SNTG2: variants seen among roughly 807,000 people sequenced by gnomAD.
SNTG2 encodes the protein gamma-2-syntrophin.
In SNTG2, 74 loss-of-function variants were observed where a neutral mutation model predicts 70.9. The ratio of observed to expected loss-of-function variants is 1.04; its 90% CI spans 0.86 to 1.27. SNTG2 has a LOEUF of 1.27. SNTG2 is among the 50% of genes most tolerant of loss of function. The probability of loss-of-function intolerance (pLI) is 0.00; values close to 1 mark genes in which losing one functional copy is unlikely to be tolerated. For missense variants in SNTG2, 717 were observed against 690.7 expected, an observed-to-expected ratio of 1.04 and a Z score of -0.43; for synonymous variants, 278 against 273.8, an observed-to-expected ratio of 1.02 and a Z score of -0.15.
intron 1 of SNTG2, among the ~76,000 whole-genome samples, chr2:1,057,004 A>G (rs1662501265): frequency 7.0e-6 from 1 of 143,262 alleles, no homozygotes; most frequent in Admixed American, 6.9e-5. Flanking sequence ...GAGGGAGGAG[A>G]GGGCGGCGCA....
At chr2:1,250,799 C>T (rs1407816760) in intron 12 of SNTG2, among the ~76,000 whole-genome samples, 2 of 152,182 alleles carry the variant, frequency 1.3e-5, no homozygotes, top group African/African-American at 4.8e-5. Flanking sequence ...CCTTTACTTG[C>T]TTTCCAGTCC....
chr2:1,237,982 G>A lies in SNTG2; in HGVS notation c.814G>A (p.Val272Ile), dbSNP rs1380114689. ...GGATGGCACCGACTGGCTGCGGGCG[G>A]TCTCAGCCAACATCAGGGAGCTGAC... ...AQDGTDWLRA[V>I]SANIRELTLQ... is the part of the protein sequence containing the mutation. The change falls in exon 10 of 17, where the codon GTC becomes ATC. Residue 272 changes from valine (V) to isoleucine (I), a missense_variant. By Grantham distance (29) the Val-to-Ile change is conservative (BLOSUM62 3). Transcript: ENST00000308624. 1 of 1,610,176 alleles carries A rather than the reference G, an allele frequency of 6.2e-7. No individual in the cohort carries two copies. The highest frequency in any genetic ancestry group is 1.1e-5 in the South Asian group (1 of 89,738).
At chr2:1,347,017 A>T (rs1660324936) in intron 16 of SNTG2, among the ~76,000 whole-genome samples, 1 of 152,080 alleles carries the variant, frequency 6.6e-6, no homozygotes, top group Non-Finnish European at 1.5e-5. Context: ...TAAAAAAAAA[A>T]TCTGTTCAAG....
chr2:1,081,239 G>T lies in SNTG2; in HGVS notation c.73-2279G>T, dbSNP rs576068403. 3.3e-5 allele frequency among the ~76,000 whole-genome samples: 5 copies of T among 152,300 alleles called. No homozygotes were observed. In the South Asian group the frequency reaches 1.0e-3, roughly 32 times the overall value. On this transcript the variant is annotated intron_variant, in intron 1 of 16. Transcript: ENST00000308624. ...CTCCCTCTGTGTGCAGCGGAGTGGGGGATGCCCACTTGTCATCAGGCGCCC... is the reference window on the plus strand; with the variant it reads ...CTCCCTCTGTGTGCAGCGGAGTGGGTGATGCCCACTTGTCATCAGGCGCCC...
rs956146171 is a variant in SNTG2, at chr2:1,281,840, C to A, written c.1284+14269C>A. ...GGAAGCGGACACTGGCCCCACCCAGCACAAGCACCCCACACATCTGTGGAG... is the reference window on the plus strand; with the variant it reads ...GGAAGCGGACACTGGCCCCACCCAGAACAAGCACCCCACACATCTGTGGAG... On this transcript the variant is annotated intron_variant, in intron 14 of 16. Coordinates refer to ENST00000308624, the MANE Select transcript of SNTG2 (RefSeq NM_018968.4). 2.0e-5 allele frequency among the ~76,000 whole-genome samples: 3 copies of A among 152,144 alleles called. No homozygotes were observed. The South Asian group carries it at 6.2e-4, about 31-fold the overall frequency.
chr2:1,325,209 T>C (rs1681710731), intron 16 of SNTG2, among the ~76,000 whole-genome samples: 1 of 152,216 alleles, frequency 6.6e-6, no homozygotes, highest in Non-Finnish European at 1.5e-5. Context: ...TAGACTTTTA[T>C]TGAACTTATG....
At chr2:1,126,287 T>C (rs890422790) in intron 4 of SNTG2, among the ~76,000 whole-genome samples, 1 of 152,168 alleles carries the variant, frequency 6.6e-6, no homozygotes, top group Admixed American at 6.5e-5. Flanking sequence ...GTCCTACAGG[T>C]TCACCCACTC....
At chr2:1,284,080 C>T (rs1679669783) in intron 14 of SNTG2, among the ~76,000 whole-genome samples, 1 of 152,126 alleles carries the variant, frequency 6.6e-6, no homozygotes, top group South Asian at 2.1e-4. Flanking sequence ...CTGTGAATCT[C>T]CCCCGGAAAG....
intron 8 of SNTG2, among the ~76,000 whole-genome samples, chr2:1,175,768 G>T (rs1671434004): frequency 2.6e-5 from 4 of 152,176 alleles, no homozygotes; most frequent in Admixed American, 6.5e-5. Context: ...TTCTCCCATT[G>T]TGTGGCTGTA....
At chr2:1,100,965 C>T (rs959034791) in intron 4 of SNTG2, among the ~76,000 whole-genome samples, 2 of 152,262 alleles carry the variant, frequency 1.3e-5, no homozygotes, top group East Asian at 1.9e-4. Context: ...TGTGCCCTCC[C>T]GAGCCTCATC....
At chr2:1,228,421 G>A (rs1675948255) in intron 9 of SNTG2, among the ~76,000 whole-genome samples, 1 of 152,212 alleles carries the variant, frequency 6.6e-6, no homozygotes, top group African/African-American at 2.4e-5. Flanking sequence ...TCCAGCCCCT[G>A]GGAGACCCTC....
chr2:1,059,479 G>A (rs1377284806), intron 1 of SNTG2: 2 of 152,158 alleles, frequency 1.3e-5, no homozygotes, highest in Non-Finnish European at 2.9e-5. Flanking sequence ...AAATACAAGT[G>A]TGTTCTGAGA....
At chr2:953,793 G>A (rs575843266) in intron 1 of SNTG2, among the ~76,000 whole-genome samples, 11 of 152,254 alleles carry the variant, frequency 7.2e-5, no homozygotes, top group East Asian at 5.8e-4. Flanking sequence ...TTCCAACATG[G>A]GATGTTAAAA....
At position 1,221,753 on chromosome 2, in the gene SNTG2, G is replaced by GTCTC; in HGVS notation, c.719+12524_719+12525insCTCT. Among the ~76,000 whole-genome samples the GTCTC allele has an allele frequency of 5.7e-3, 6 of 1,060 alleles. 3 individuals carry two copies. Among genetic ancestry groups the GTCTC allele is most frequent in the Non-Finnish European group, 9.5e-3 (6 of 632 alleles). 0.7% of individuals were successfully genotyped at this position (1,060 alleles called of 152,430 possible). A position where few individuals can be genotyped will look rare whatever the true frequency, so the allele number is the denominator to read the frequency against. ...TCTCTGTCTCTCTCTGTCTCTGTCTGTGTCTCTCTCTGTCTCTGCCTCTCT... is the reference window on the plus strand; with the variant it reads ...TCTCTGTCTCTCTCTGTCTCTGTCTGTCTCTGTCTCTCTCTGTCTCTGCCTCTCT... On this transcript the variant is annotated intron_variant, in intron 9 of 16. Transcript: ENST00000308624.
intron 9 of SNTG2, among the ~76,000 whole-genome samples, chr2:1,234,004 C>T (rs1676439760): frequency 6.6e-6 from 1 of 152,120 alleles, no homozygotes; most frequent in African/African-American, 2.4e-5. Flanking sequence ...ATGTTAGCTC[C>T]TGAGCAGCAG....
intron 1 of SNTG2, chr2:1,068,016 T>G (rs546927757): frequency 6.6e-6 from 1 of 152,366 alleles, no homozygotes; most frequent in East Asian, 1.9e-4. Flanking sequence ...GAGTTGGTCC[T>G]TCAGGAATCA....
chr2:1,122,565 A>G (rs1448313369), intron 4 of SNTG2, among the ~76,000 whole-genome samples: 1 of 152,184 alleles, frequency 6.6e-6, no homozygotes, highest in Non-Finnish European at 1.5e-5. Flanking sequence ...TATAGACAGC[A>G]TGTTCACAAT....
intron 15 of SNTG2, among the ~76,000 whole-genome samples, chr2:1,314,812 G>C (rs946186609): frequency 2.0e-5 from 3 of 152,200 alleles, no homozygotes; most frequent in Admixed American, 6.5e-5. Flanking sequence ...AAGAGCAAAG[G>C]CATGTCTTAC....
intron 4 of SNTG2, among the ~76,000 whole-genome samples, chr2:1,106,256 A>G (rs4971442): frequency 2.8e-4 from 25 of 90,742 alleles, no homozygotes; most frequent in Middle Eastern, 7.7e-3. Context: ...GGTGCAGGGT[A>G]TGGAGAGCTC....
Sources: gnomAD v4.1 joint callset for allele counts (sites outside exome capture counted in the v4.1 genomes callset) on GRCh38, gnomAD v4.1.1 for gene constraint, MANE v1.5 for transcripts, NCBI Gene and HGNC (gene_info 2026-07-23, HGNC 2026-07-21) for gene names.